Variants in ZNF787 observed in about 807,000 individuals in gnomAD.
ZNF787 encodes the protein zinc finger protein 787, also known as TTF-I-interacting peptide 20.
Under a neutral mutation model 16.9 loss-of-function variants are expected in ZNF787, and 7 were observed. The observed-to-expected ratio is 0.42, with a 90% CI of 0.24 to 0.78. ZNF787 has a LOEUF of 0.78. ZNF787 is among the 30% of genes least tolerant of loss of function. The pLI is 0.30. For synonymous variants in ZNF787, 345 were observed against 270.9 expected (o/e 1.27, Z -2.69); for missense variants, 551 against 589.3 (o/e 0.94, Z 0.67).
In ZNF787 at chr19:56,088,390, C is replaced by T; in HGVS notation, c.782G>A (p.Gly261Asp). ...EGAAAAAAMA[G>D]AGAKAAGPRS... ...GGGCCCCGCGGCCTTTGCCCCCGCG[C>T]CCGCCATGGCTGCCGCGGCCGCGGC... The change falls in exon 3 of 3, where the codon GGC becomes GAC. Residue 261 changes from glycine (G) to aspartate (D), a missense_variant. By Grantham distance (94) the Gly-to-Asp change is moderately conservative. Around this residue, in one of 4 missense-constraint regions of ZNF787, gnomAD observed 392 missense variants for 312.7 expected, o/e 1.25. Coordinates refer to ENST00000610935, the MANE Select transcript of ZNF787 (RefSeq NM_001002836.4). This position sits in a 1 kb window ranked among gnomAD's most constrained non-coding sequence, Gnocchi z 8.6. The T allele has an allele frequency of 9.1e-7, 1 of 1,104,490 alleles. No homozygotes were observed. The highest frequency in any genetic ancestry group is 1.1e-6 in the Non-Finnish European group (1 of 906,758). The allele number at this position is 1,104,490 out of a possible 1,614,324, so 68.4% of individuals were successfully genotyped here. A position where few individuals can be genotyped will look rare whatever the true frequency, so the allele number is the denominator to read the frequency against.
At chr19:56,119,485 C>A (rs2030226753) in intron 1 of ZNF787, among the ~76,000 whole-genome samples, 1 of 152,204 alleles carries the variant, frequency 6.6e-6, no homozygotes, top group Non-Finnish European at 1.5e-5. Flanking sequence ...TCTGCTCTGG[C>A]TCTAAAATGA....
Position 56,113,876 on chromosome 19 carries a change from C to T in ZNF787, c.-11+7296G>A, listed in dbSNP as rs368831171. On this transcript the variant is annotated intron_variant, in intron 1 of 2. Coordinates refer to ENST00000610935, the MANE Select transcript of ZNF787 (RefSeq NM_001002836.4). ...ACAGAGTCTCGCTTTCTCGCCCAGG[C>T]TGGAGGGCAATCGCACCATCTCGGC... 9.3e-4 allele frequency among the ~76,000 whole-genome samples: 141 copies of T among 152,278 alleles called. 1 individual carries two copies. The highest frequency in any genetic ancestry group is 3.3e-3 in the African/African-American group (136 of 41,534).
At chr19:56,094,576 T>C (rs190275471) in intron 2 of ZNF787, among the ~76,000 whole-genome samples, 16 of 152,292 alleles carry the variant, frequency 1.1e-4, no homozygotes, top group Admixed American at 1.0e-3. Context: ...GTCTTCATTC[T>C]GAAAGGTTTT....
rs1985290487 is a variant in ZNF787 at position 56,087,458 on chromosome 19, C to G, written c.*565G>C. On this transcript the variant is annotated 3_prime_UTR_variant, in exon 3 of 3. Transcript: ENST00000610935. ...CGGGCACCCGCCTCCTGCGGCGCTG[C>G]CTCTGCTACCCGGAATCCAGGAGGG... 1 of 152,332 alleles carries G rather than the reference C, an allele frequency of 6.6e-6. No individual in the cohort carries two copies. The highest frequency in any genetic ancestry group is 1.5e-5 in the Non-Finnish European group (1 of 68,150). 9.4% of individuals were successfully genotyped at this position (152,332 alleles called of 1,614,324 possible). A position where few individuals can be genotyped will look rare whatever the true frequency, so the allele number is the denominator to read the frequency against.
chr19:56,100,023 G>A (rs957085167), intron 2 of ZNF787, among the ~76,000 whole-genome samples: 2 of 152,172 alleles, frequency 1.3e-5, no homozygotes, highest in African/African-American at 2.4e-5. Context: ...GTGACTGTGT[G>A]TAAGGCCACA....
At position 56,088,158 on chromosome 19, in the gene ZNF787, G is replaced by A. The variant is rs762022025; in HGVS notation, c.1014C>T (p.Ile338=). Residue 338 remains isoleucine, a synonymous_variant, in exon 3 of 3, where the codon ATC becomes ATT. Transcript: ENST00000610935. This position sits in a 1 kb window ranked among gnomAD's most constrained non-coding sequence, Gnocchi z 8.6. The part of the protein sequence containing the change: ...QGAALRRHKK[I]HAVGAPSVCS... ...AGACCGAGGGCGCGCCCACCGCGTG[G>A]ATCTTCTTGTGTCTCCGGAGCGCGG... 1.3e-6 allele frequency: 2 copies of A among 1,555,302 alleles called. No homozygotes were observed. Among genetic ancestry groups the A allele is most frequent in the Non-Finnish European group, 1.7e-6 (2 of 1,155,812 alleles).
chr19:56,106,199 G>C (rs1268532874), intron 1 of ZNF787, among the ~76,000 whole-genome samples: 1 of 152,192 alleles, frequency 6.6e-6, no homozygotes, highest in Non-Finnish European at 1.5e-5. Context: ...CTGCACAGGA[G>C]AGGGACAGCA....
rs149873529 is a variant in ZNF787, at chr19:56,094,972, A to G, written c.80-5880T>C. On this transcript the variant is annotated intron_variant, in intron 2 of 2. Coordinates refer to ENST00000610935, the MANE Select transcript of ZNF787 (RefSeq NM_001002836.4). Reference sequence around the variant, plus strand: ...CTTAAAAAAATACAAAAATTAGCTGAGTGTGGTGGTGTGTGCCCGTAATCC... The same window carrying G: ...CTTAAAAAAATACAAAAATTAGCTGGGTGTGGTGGTGTGTGCCCGTAATCC... 3.4e-3 allele frequency among the ~76,000 whole-genome samples: 513 copies of G among 152,086 alleles called. 8 individuals carry two copies. Among genetic ancestry groups the G allele is most frequent in the African/African-American group, 0.012 (496 of 41,492 alleles).
At position 56,115,169 on chromosome 19, in the gene ZNF787, A is replaced by G. The variant is rs572936427; in HGVS notation, c.-11+6003T>C. Among the ~76,000 whole-genome samples the G allele has an allele frequency of 2.0e-5, 3 of 151,848 alleles. No individual in the cohort carries two copies. In the East Asian group the frequency reaches 5.8e-4, roughly 30 times the overall value. ...AAGCTCTACACACCCTTTCCTGTTCATTCTACAGTGACTGGTCTGCGTAGA... is the reference window on the plus strand; with the variant it reads ...AAGCTCTACACACCCTTTCCTGTTCGTTCTACAGTGACTGGTCTGCGTAGA... On this transcript the variant is annotated intron_variant, in intron 1 of 2. Coordinates refer to ENST00000610935, the MANE Select transcript of ZNF787 (RefSeq NM_001002836.4).
chr19:56,110,431 TAAAC>T lies in ZNF787; in HGVS notation c.-10-7208_-10-7205del, dbSNP rs565239459. On this transcript the variant is annotated intron_variant, in intron 1 of 2. Coordinates refer to ENST00000610935, the MANE Select transcript of ZNF787 (RefSeq NM_001002836.4). The stretch of plus-strand genomic sequence containing the variant: ...CATTAATTGCACCTCTATTAGAAAG[TAAAC>T]AAACTTTTAAAAATTGTACAGGCTT... Among the ~76,000 whole-genome samples, 1,158 of 151,082 alleles carry T rather than the reference TAAAC, an allele frequency of 7.7e-3. 13 individuals carry two copies. The highest frequency in any genetic ancestry group is 0.026 in the African/African-American group (1,055 of 41,196).
chr19:56,102,344 G>A (rs62122449), intron 2 of ZNF787: 21,409 of 153,278 alleles, frequency 0.14, 1,647 homozygotes, highest in East Asian at 0.32. Flanking sequence ...GGCCAGCGTG[G>A]GCCTGGGACC....
chr19:56,091,174 G>A (rs929056288), intron 2 of ZNF787, among the ~76,000 whole-genome samples: 2 of 152,244 alleles, frequency 1.3e-5, no homozygotes, highest in African/African-American at 4.8e-5. Context: ...CAGTGTGACT[G>A]AAGGGGACAG....
chr19:56,087,787 T>G lies in ZNF787; in HGVS notation c.*236A>C, dbSNP rs28494646. The G allele has an allele frequency of 7.1e-5, 42 of 587,888 alleles. 1 individual carries two copies. The African/African-American group carries it at 7.5e-4, about 10-fold the overall frequency. The allele number at this position is 587,888 out of a possible 1,614,324, so 36.4% of individuals were successfully genotyped here. A position where few individuals can be genotyped will look rare whatever the true frequency, so the allele number is the denominator to read the frequency against. On this transcript the variant is annotated 3_prime_UTR_variant, in exon 3 of 3. Transcript: ENST00000610935. Reference sequence around the variant, plus strand: ...TCTCTCCGGCTCGCAGGCCGATAACTTAGGAAGGGCGGGCCAGGCTGAGGG... The same window carrying G: ...TCTCTCCGGCTCGCAGGCCGATAACGTAGGAAGGGCGGGCCAGGCTGAGGG...
At position 56,088,137 on chromosome 19, in the gene ZNF787, C is replaced by A. The variant is rs757133525; in HGVS notation, c.1035G>T (p.Ser345=). Residue 345 remains serine (S), a synonymous_variant, in exon 3 of 3, where the codon TCG becomes TCT. Transcript: ENST00000610935. This position sits in a 1 kb window ranked among gnomAD's most constrained non-coding sequence, Gnocchi z 8.6. ...HKKIHAVGAP[S]VCSSCGQSYY... ...AGCTCTGTCCGCAGCTGCTGCAGAC[C>A]GAGGGCGCGCCCACCGCGTGGATCT... The A allele has an allele frequency of 2.6e-6, 4 of 1,552,612 alleles. No individual in the cohort carries two copies. Among genetic ancestry groups the A allele is most frequent in the Non-Finnish European group, 2.6e-6 (3 of 1,154,926 alleles).
chr19:56,101,490 T>C (rs1049588835), intron 2 of ZNF787, among the ~76,000 whole-genome samples: 4 of 152,202 alleles, frequency 2.6e-5, no homozygotes, highest in Non-Finnish European at 5.9e-5. Context: ...AGTGAGTGTA[T>C]GAGTGACTTG....
At chr19:56,097,983 G>A (rs562685564) in intron 2 of ZNF787, among the ~76,000 whole-genome samples, 14 of 152,134 alleles carry the variant, frequency 9.2e-5, no homozygotes, top group Admixed American at 4.6e-4. Flanking sequence ...GCTGAAGCCC[G>A]GCCTGCTAAG....
Position 56,089,151 on chromosome 19 carries a change from C to T in ZNF787, c.80-59G>A, listed in dbSNP as rs865869854. On this transcript the variant is annotated intron_variant, in intron 2 of 2. Transcript: ENST00000610935. ...AGAGAGGCAAGGGCTCCACGCCTGCCTTGGCTGCTACGCTGGCCTCGGGTG... is the reference window on the plus strand; with the variant it reads ...AGAGAGGCAAGGGCTCCACGCCTGCTTTGGCTGCTACGCTGGCCTCGGGTG... The T allele has an allele frequency of 6.0e-6, 8 of 1,332,696 alleles. No homozygotes were observed. The Middle Eastern group carries it at 9.8e-4, about 163-fold the overall frequency. 82.6% of individuals were successfully genotyped at this position (1,332,696 alleles called of 1,614,324 possible). A position where few individuals can be genotyped will look rare whatever the true frequency, so the allele number is the denominator to read the frequency against.
At chr19:56,111,512 AAAGG>A (rs1338651940) in intron 1 of ZNF787, among the ~76,000 whole-genome samples, 1 of 152,118 alleles carries the variant, frequency 6.6e-6, no homozygotes, top group East Asian at 1.9e-4. Flanking sequence ...GACCTCCAGG[AAAGG>A]AAGATGCTTT....
intron 1 of ZNF787, among the ~76,000 whole-genome samples, chr19:56,120,921 CCCCGCTCGCCG>C (rs1320843615): frequency 7.3e-6 from 1 of 136,930 alleles, no homozygotes; most frequent in East Asian, 2.2e-4. Flanking sequence ...CCCCCTCCAG[CCCCGCTCGCCG>C]CCCGCGGGCC....
Sources: allele counts gnomAD v4.1 joint callset (sites outside exome capture counted in the v4.1 genomes callset), GRCh38; gene constraint gnomAD v4.1.1; regional missense constraint gnomAD v4.1.1; non-coding constraint Gnocchi (gnomAD v3.1); transcripts MANE v1.5; gene names NCBI Gene and HGNC (gene_info 2026-07-23, HGNC 2026-07-21).